Variants in CASR observed in about 807,000 individuals in gnomAD.
CASR encodes the protein calcium sensing receptor.
A neutral mutation model predicts 69.1 loss-of-function variants in CASR; 23 were observed. The observed-to-expected ratio is 0.33, with a 90% CI of 0.24 to 0.47. The LOEUF (loss-of-function observed/expected upper bound fraction) is 0.47, where lower values mean the gene tolerates loss of function less well. Among genes scored for constraint, CASR ranks in the 20% least tolerant of loss-of-function variants. The probability of loss-of-function intolerance (pLI) is 1.00; values close to 1 mark genes in which losing one functional copy is unlikely to be tolerated. For synonymous variants in CASR, 541 were observed against 544.7 expected (o/e 0.99, Z 0.10); for missense variants, 924 against 1,356.1 (o/e 0.68, Z 5.00).
At chr3:122,261,152 A>G (rs2074616615) in intron 3 of CASR, among the ~76,000 whole-genome samples, 1 of 152,236 alleles carries the variant, frequency 6.6e-6, no homozygotes, top group African/African-American at 2.4e-5. Flanking sequence ...TATTATAACC[A>G]ATGAGGCAGC....
intron 1 of CASR, among the ~76,000 whole-genome samples, chr3:122,249,023 A>G (rs2074455989): frequency 2.6e-5 from 4 of 152,262 alleles, no homozygotes; most frequent in Admixed American, 6.5e-5. Flanking sequence ...CTCTGCCTAC[A>G]GGAACCATCA....
In CASR at chr3:122,275,832, T is replaced by A. The variant is rs760939658; in HGVS notation, c.1398T>A (p.His466Gln). 2 of 1,613,778 alleles carry A rather than the reference T, an allele frequency of 1.2e-6. No homozygotes were observed. The highest frequency in any genetic ancestry group is 2.2e-5 in the South Asian group (2 of 91,074). Reference sequence around the variant, plus strand: ...TTTAGGTCCTGAAGCACCTACGGCATCTAAACTTTACAAACAATATGGGGG... The same window carrying A: ...TTTAGGTCCTGAAGCACCTACGGCAACTAAACTTTACAAACAATATGGGGG... ...EAWQVLKHLR[H>Q]LNFTNNMGEQ... The change falls in exon 5 of 7, where the codon CAT becomes CAA. Residue 466 changes from histidine to glutamine, a missense_variant. By Grantham distance (24) the His-to-Gln change is conservative. Around this residue, in one of 8 missense-constraint regions of CASR, gnomAD observed 310 missense variants for 395.7 expected, o/e 0.78. Coordinates refer to ENST00000639785, the MANE Select transcript of CASR (RefSeq NM_000388.4).
chr3:122,205,696 G>A (rs1160898912), intron 1 of CASR, among the ~76,000 whole-genome samples: 1 of 152,012 alleles, frequency 6.6e-6, no homozygotes, highest in African/African-American at 2.4e-5. Context: ...TCTAATCCAT[G>A]AGCATGGAAT....
intron 1 of CASR, among the ~76,000 whole-genome samples, chr3:122,230,253 C>T (rs543712943): frequency 1.3e-5 from 2 of 152,348 alleles, no homozygotes; most frequent in South Asian, 4.1e-4. Context: ...ACCAGTAAAG[C>T]AAAGGCAGCG....
At chr3:122,263,907 T>C (rs2074656754) in intron 4 of CASR, among the ~76,000 whole-genome samples, 1 of 152,088 alleles carries the variant, frequency 6.6e-6, no homozygotes, top group South Asian at 2.1e-4. Context: ...TTCTAGGTGG[T>C]TGTTACTATT....
chr3:122,234,960 G>A (rs1303104856), intron 1 of CASR, among the ~76,000 whole-genome samples: 2 of 152,224 alleles, frequency 1.3e-5, no homozygotes, highest in Admixed American at 1.3e-4. Context: ...AGAGTGCACT[G>A]CATCAGCACA....
At chr3:122,259,146 G>C (rs553075016) in intron 3 of CASR, among the ~76,000 whole-genome samples, 2 of 152,278 alleles carry the variant, frequency 1.3e-5, no homozygotes, top group Admixed American at 6.5e-5. Flanking sequence ...CCCCACTTTA[G>C]AGTTGCTTTT....
chr3:122,206,235 A>T (rs1362352935), intron 1 of CASR, among the ~76,000 whole-genome samples: 2 of 150,624 alleles, frequency 1.3e-5, no homozygotes, highest in African/African-American at 4.9e-5. Context: ...ATTGTTTTAG[A>T]GGTATGATCC....
chr3:122,284,362 A>G lies in CASR; in HGVS notation c.2408A>G (p.Glu803Gly). ...KSRKLPENFN[E>G]AKFITFSMLI... ...CGGAAGCTGCCGGAGAACTTCAATG[A>G]AGCCAAGTTCATCACCTTCAGCATG... The change falls in exon 7 of 7, where the codon GAA (glutamate) becomes GGA (glycine). Residue 803 changes from glutamate to glycine, a missense_variant. By Grantham distance (98) the Glu-to-Gly change is moderately conservative. Coordinates refer to ENST00000639785, the MANE Select transcript of CASR (RefSeq NM_000388.4). 1 of 1,614,084 alleles carries G rather than the reference A, an allele frequency of 6.2e-7. No homozygotes were observed. The highest frequency in any genetic ancestry group is 8.5e-7 in the Non-Finnish European group (1 of 1,180,032).
intron 1 of CASR, among the ~76,000 whole-genome samples, chr3:122,242,497 A>T (rs1402643063): frequency 6.6e-6 from 1 of 152,160 alleles, no homozygotes; most frequent in African/African-American, 2.4e-5. Flanking sequence ...TACAATGAAA[A>T]CTATAAAACA....
rs186279271 is a variant in CASR at position 122,282,172 on chromosome 3, G to A, written c.1668G>A (p.Glu556=). 70 of 1,614,168 alleles carry A rather than the reference G, an allele frequency of 4.3e-5. No homozygotes were observed. The Admixed American group carries it at 7.2e-4, about 17-fold the overall frequency. ...CLAGTRKGII[E]GEPTCCFECV... Reference sequence around the variant, plus strand: ...CAGGGACCAGGAAAGGGATCATTGAGGGGGAGCCCACCTGCTGCTTTGAGT... The same window carrying A: ...CAGGGACCAGGAAAGGGATCATTGAAGGGGAGCCCACCTGCTGCTTTGAGT... Residue 556 remains glutamate, a synonymous_variant, in exon 6 of 7, where the codon GAG becomes GAA. Transcript: ENST00000639785.
At chr3:122,188,917 A>G (rs1026386378) in intron 1 of CASR, among the ~76,000 whole-genome samples, 1 of 152,214 alleles carries the variant, frequency 6.6e-6, no homozygotes, top group African/African-American at 2.4e-5. Context: ...GTATCCATTC[A>G]TAAGGCAGGA....
At chr3:122,264,162 G>A (rs1284144510) in intron 4 of CASR, among the ~76,000 whole-genome samples, 1 of 150,376 alleles carries the variant, frequency 6.6e-6, no homozygotes, top group Admixed American at 6.6e-5. Context: ...TTTTAGTTGT[G>A]TAATAGAAAG....
chr3:122,257,798 C>T (rs2107628329), intron 3 of CASR, among the ~76,000 whole-genome samples: 1 of 152,334 alleles, frequency 6.6e-6, no homozygotes, highest in South Asian at 2.1e-4. Flanking sequence ...CTCGCTGCTC[C>T]ACTGTCTCAT....
At chr3:122,239,789 ATTC>A (rs1312010753) in intron 1 of CASR, among the ~76,000 whole-genome samples, 1 of 152,200 alleles carries the variant, frequency 6.6e-6, no homozygotes, top group Non-Finnish European at 1.5e-5. Flanking sequence ...ACTATAGAGA[ATTC>A]TTCTGGGTCT....
chr3:122,261,758 A>G lies in CASR; in HGVS notation c.723A>G (p.Glu241=). ...GGGATATCTGCATCGACTTCAGTGA[A>G]CTCATCTCCCAGTACTCTGATGAGG... The part of the protein sequence containing the change: ...EERDICIDFS[E]LISQYSDEEE... Residue 241 remains glutamate (E), a synonymous_variant, in exon 4 of 7, where the codon GAA becomes GAG. Transcript: ENST00000639785. 1.2e-6 allele frequency: 2 copies of G among 1,614,102 alleles called. No individual in the cohort carries two copies. Among genetic ancestry groups the G allele is most frequent in the Non-Finnish European group, 1.7e-6 (2 of 1,180,006 alleles).
intron 1 of CASR, among the ~76,000 whole-genome samples, chr3:122,195,757 A>T (rs1404053380): frequency 6.6e-6 from 1 of 152,144 alleles, no homozygotes; most frequent in Non-Finnish European, 1.5e-5. Flanking sequence ...CTAGATTCAA[A>T]ATCAGTTCAT....
chr3:122,231,385 A>G (rs2074276805), intron 1 of CASR, among the ~76,000 whole-genome samples: 1 of 152,194 alleles, frequency 6.6e-6, no homozygotes, highest in African/African-American at 2.4e-5. Flanking sequence ...GGGAAGAGAG[A>G]GGGGGACACT....
intron 1 of CASR, among the ~76,000 whole-genome samples, chr3:122,252,413 GAAA>G (rs1576850492): frequency 1.4e-4 from 3 of 20,712 alleles, no homozygotes; most frequent in South Asian, 1.3e-3. Context: ...GAAGGAAAAA[GAAA>G]GAAAGAAAGA....
Sources: gnomAD v4.1 joint callset for allele counts (sites outside exome capture counted in the v4.1 genomes callset) on GRCh38, gnomAD v4.1.1 for gene constraint, gnomAD v4.1.1 regional missense constraint, MANE v1.5 for transcripts, NCBI Gene and HGNC (gene_info 2026-07-23, HGNC 2026-07-21) for gene names.